SLC35F4: variants seen among roughly 807,000 people sequenced by gnomAD.
SLC35F4 encodes chromosome 14 open reading frame 36.
Under a neutral mutation model 44.2 loss-of-function variants are expected in SLC35F4, and 24 were observed. The observed-to-expected ratio is 0.54, with a 90% CI of 0.39 to 0.76. SLC35F4 has a LOEUF of 0.76. Among genes scored for constraint, SLC35F4 ranks in the 30% least tolerant of loss-of-function variants. The pLI is 0.00. For missense variants in SLC35F4, 562 were observed against 586.1 expected (o/e 0.96, Z 0.42); for synonymous variants, 238 against 223.6 (o/e 1.06, Z -0.57).
At chr14:57,914,311 C>A (rs542480198) in intron 1 of SLC35F4, among the ~76,000 whole-genome samples, 4 of 152,306 alleles carry the variant, frequency 2.6e-5, no homozygotes, top group Non-Finnish European at 5.9e-5. Context: ...CGCCTGTAAT[C>A]CCAGCACTTT....
chr14:57,827,761 T>C (rs1883940472), intron 1 of SLC35F4, among the ~76,000 whole-genome samples: 1 of 149,244 alleles, frequency 6.7e-6, no homozygotes, highest in Non-Finnish European at 1.5e-5. Context: ...CCTTGTTTAA[T>C]ATACAATTAT....
chr14:57,756,821 AT>A (rs201046603), intron 1 of SLC35F4, among the ~76,000 whole-genome samples: 187 of 146,078 alleles, frequency 1.3e-3, no homozygotes, highest in East Asian at 1.2e-3. Context: ...AATCTGCCTA[AT>A]TTTTTTTTTT....
chr14:57,950,660 T>G (rs1440477054), intron 1 of SLC35F4, among the ~76,000 whole-genome samples: 1 of 128,098 alleles, frequency 7.8e-6, no homozygotes, highest in South Asian at 2.6e-4. Flanking sequence ...GACTCTTTGT[T>G]TCTTTTCTTT....
chr14:57,832,990 C>T (rs145693456), intron 1 of SLC35F4, among the ~76,000 whole-genome samples: 1 of 152,142 alleles, frequency 6.6e-6, no homozygotes, highest in African/African-American at 2.4e-5. Flanking sequence ...TTGTTCATTT[C>T]TTTAATGATA....
intron 1 of SLC35F4, among the ~76,000 whole-genome samples, chr14:57,675,195 A>C (rs2074651453): frequency 6.6e-6 from 1 of 152,062 alleles, no homozygotes; most frequent in Admixed American, 6.6e-5. Flanking sequence ...AGATGTATAC[A>C]TTTGTCAAAA....
At chr14:57,817,501 C>G (rs1222104804) in intron 1 of SLC35F4, among the ~76,000 whole-genome samples, 1 of 152,092 alleles carries the variant, frequency 6.6e-6, no homozygotes, top group Non-Finnish European at 1.5e-5. Context: ...CCAGAATGGG[C>G]TGCACCACAG....
intron 1 of SLC35F4, among the ~76,000 whole-genome samples, chr14:57,846,879 T>C (rs1040700434): frequency 8.5e-5 from 13 of 152,126 alleles, no homozygotes; most frequent in African/African-American, 3.1e-4. Context: ...AAACAGACTC[T>C]TGCAACAGAG....
At position 57,564,232 on chromosome 14, in the gene SLC35F4, T is replaced by C. The variant is rs778861498; in HGVS notation, c.1361A>G (p.Lys454Arg). 5.0e-6 allele frequency: 8 copies of C among 1,613,434 alleles called. No individual in the cohort carries two copies. The Admixed American group carries it at 1.3e-4, about 27-fold the overall frequency. ...ATCATCCACATGCTCCTCACTCTTCTTTTCCTTCAGGCTGTTGATGAACCT... is the reference window on the plus strand; with the variant it reads ...ATCATCCACATGCTCCTCACTCTTCCTTTCCTTCAGGCTGTTGATGAACCT... The part of the protein sequence containing the change: ...TLRFINSLKE[K>R]KSEEHVDDVT... The change falls in exon 8 of 8, where the codon AAG becomes AGG. Residue 454 changes from lysine to arginine, a missense_variant. By Grantham distance (26) the Lys-to-Arg change is conservative (BLOSUM62 2). Transcript: ENST00000556826.
intron 1 of SLC35F4, chr14:57,977,097 G>A (rs982344857): frequency 2.0e-5 from 3 of 152,080 alleles, no homozygotes; most frequent in African/African-American, 7.2e-5. Flanking sequence ...GGGATATGCT[G>A]GTTAAATCCT....
downstream of SLC35F4, among the ~76,000 whole-genome samples, chr14:57,973,703 A>G (rs1006591156): frequency 6.6e-6 from 1 of 152,112 alleles, no homozygotes; most frequent in African/African-American, 2.4e-5. Flanking sequence ...CACCTAAACC[A>G]GGGGGAGGGG....
intron 1 of SLC35F4, among the ~76,000 whole-genome samples, chr14:57,699,364 A>C (rs760092752): frequency 3.3e-5 from 5 of 152,162 alleles, no homozygotes; most frequent in Non-Finnish European, 5.9e-5. Context: ...CTTTTATTTT[A>C]ACACTTTTTC....
At chr14:57,877,929 C>A (rs1888436621) in intron 1 of SLC35F4, among the ~76,000 whole-genome samples, 1 of 151,934 alleles carries the variant, frequency 6.6e-6, no homozygotes, top group Non-Finnish European at 1.5e-5. Flanking sequence ...AGGTGATCAT[C>A]CTGACTCAGC....
At chr14:57,680,122 T>C (rs116932484) in intron 1 of SLC35F4, among the ~76,000 whole-genome samples, 22,423 of 151,914 alleles carry the variant, frequency 0.15, 1,893 homozygotes, top group East Asian at 0.29. Context: ...CAAAAATTCT[T>C]AATAAAATAC....
rs144169588 is a variant in SLC35F4 at position 57,648,834 on chromosome 14, T to G, written c.104-54710A>C. On this transcript the variant is annotated intron_variant, in intron 1 of 7. Coordinates refer to ENST00000556826, the MANE Select transcript of SLC35F4 (RefSeq NM_001306087.2). Reference sequence around the variant, plus strand: ...GCTGTCAGATAAAATACAGGTAATATATTGCATAGACTTATACTAGAAATG... The same window carrying G: ...GCTGTCAGATAAAATACAGGTAATAGATTGCATAGACTTATACTAGAAATG... Among the ~76,000 whole-genome samples the G allele has an allele frequency of 2.5e-3, 385 of 152,334 alleles. 5 individuals carry two copies. Among genetic ancestry groups the G allele is most frequent in the Admixed American group, 0.01 (157 of 15,292 alleles).
At chr14:57,633,561 C>G (rs1309068171) in intron 1 of SLC35F4, among the ~76,000 whole-genome samples, 4 of 152,082 alleles carry the variant, frequency 2.6e-5, no homozygotes, top group Non-Finnish European at 4.4e-5. Flanking sequence ...ACAACTTGTA[C>G]AGAGACTTCC....
In SLC35F4 at chr14:57,571,928, G is replaced by T. The variant is rs771358472; in HGVS notation, c.899C>A (p.Ala300Glu). Residue 300 changes from alanine to glutamate, a missense_variant, in exon 5 of 8, where the codon GCG becomes GAG. Coordinates refer to ENST00000556826, the MANE Select transcript of SLC35F4 (RefSeq NM_001306087.2). ...TGCAGATGTAGAGGCTGAGCCCACC[G>T]CAAATGCCACTCCTATGATGGAATC... ...HADSIIGVAF[A>E]VGSASTSALY... The T allele has an allele frequency of 6.2e-7, 1 of 1,612,154 alleles. No homozygotes were observed. Among genetic ancestry groups the T allele is most frequent in the Non-Finnish European group, 8.5e-7 (1 of 1,179,108 alleles).
intron 1 of SLC35F4, among the ~76,000 whole-genome samples, chr14:57,759,417 A>G (rs963366628): frequency 3.9e-5 from 6 of 152,036 alleles, no homozygotes; most frequent in African/African-American, 1.4e-4. Context: ...CCATCCCTAC[A>G]CAAAATACAA....
upstream of SLC35F4, among the ~76,000 whole-genome samples, chr14:57,870,677 A>ATATT (rs1555399123): frequency 6.6e-6 from 1 of 152,200 alleles, no homozygotes; most frequent in Non-Finnish European, 1.5e-5. Context: ...ACATATTAAA[A>ATATT]TATTTTACGA....
chr14:57,638,681 G>T (rs2073106441), intron 1 of SLC35F4, among the ~76,000 whole-genome samples: 1 of 152,080 alleles, frequency 6.6e-6, no homozygotes, highest in African/African-American at 2.4e-5. Flanking sequence ...ACTAAAACAA[G>T]AATTAGCCCT....
Sources: gnomAD v4.1 joint callset for allele counts (sites outside exome capture counted in the v4.1 genomes callset) on GRCh38, gnomAD v4.1.1 for gene constraint, MANE v1.5 for transcripts, NCBI Gene and HGNC (gene_info 2026-07-23, HGNC 2026-07-21) for gene names.